ADAMTS19: variants seen among roughly 807,000 people sequenced by gnomAD.
The protein encoded by ADAMTS19 is A disintegrin and metalloproteinase with thrombospondin motifs 19.
ADAMTS19 carries 93 observed loss-of-function variants against 153.3 expected under a neutral mutation model. The observed-to-expected ratio is 0.61, with a 90% CI of 0.51 to 0.72. ADAMTS19 has a LOEUF of 0.72. Ranked by LOEUF, ADAMTS19 falls within the 30% of genes least tolerant of loss-of-function variation. The pLI is 0.00. For synonymous variants in ADAMTS19, 600 were observed against 556.6 expected (o/e 1.08, Z -1.10); for missense variants, 1,482 against 1,552.1 (o/e 0.95, Z 0.76).
At chr5:129,570,346 T>C (rs1753852664) in intron 7 of ADAMTS19, among the ~76,000 whole-genome samples, 1 of 151,888 alleles carries the variant, frequency 6.6e-6, no homozygotes, top group African/African-American at 2.4e-5. Flanking sequence ...GACCAGTTCA[T>C]TGAAATCCTC....
intron 6 of ADAMTS19, among the ~76,000 whole-genome samples, chr5:129,539,609 A>G (rs1752587359): frequency 1.3e-5 from 2 of 152,118 alleles, no homozygotes; most frequent in South Asian, 4.1e-4. Flanking sequence ...GGGAGCTGAC[A>G]TACTATATAT....
chr5:129,644,944 T>C (rs1162579050), intron 11 of ADAMTS19, among the ~76,000 whole-genome samples: 1 of 152,178 alleles, frequency 6.6e-6, no homozygotes, highest in Non-Finnish European at 1.5e-5. Flanking sequence ...TGTGCATATG[T>C]ACACAGCTTT....
chr5:129,495,711 AC>A (rs763232390), intron 2 of ADAMTS19, among the ~76,000 whole-genome samples: 37 of 152,006 alleles, frequency 2.4e-4, no homozygotes, highest in Non-Finnish European at 4.4e-4. Flanking sequence ...GAACCAACTT[AC>A]CCCTAATTTC....
At chr5:129,705,720 T>C (rs182428717) in intron 21 of ADAMTS19, among the ~76,000 whole-genome samples, 72 of 152,292 alleles carry the variant, frequency 4.7e-4, no homozygotes, top group African/African-American at 1.7e-3. Flanking sequence ...CTACAACTAA[T>C]TTATTTTATG....
At chr5:129,684,507 TTACATTAC>T (rs1561648034) in intron 18 of ADAMTS19, among the ~76,000 whole-genome samples, 1,541 of 151,954 alleles carry the variant, frequency 0.01, 33 homozygotes, top group East Asian at 0.058. Flanking sequence ...TTGCATTACA[TTACATTAC>T]ATTACATTAC....
chr5:129,548,868 C>T (rs939994658), intron 6 of ADAMTS19, among the ~76,000 whole-genome samples: 1 of 151,454 alleles, frequency 6.6e-6, no homozygotes, highest in Non-Finnish European at 1.5e-5. Flanking sequence ...GAGTTCATGT[C>T]CTTTATAGGG....
At chr5:129,504,646 C>T (rs1036635325) in intron 2 of ADAMTS19, among the ~76,000 whole-genome samples, 3 of 151,976 alleles carry the variant, frequency 2.0e-5, no homozygotes, top group Non-Finnish European at 4.4e-5. Flanking sequence ...ATCCTTTAAC[C>T]AACATCTTCC....
chr5:129,723,088 C>T (rs1216452457), intron 21 of ADAMTS19, among the ~76,000 whole-genome samples: 2 of 152,022 alleles, frequency 1.3e-5, no homozygotes, highest in African/African-American at 2.4e-5. Context: ...AATGCCAAAC[C>T]CTGTCTGCTC....
rs115940413 is a variant in ADAMTS19, at chr5:129,641,744, T to C, written c.1771-115T>C. On this transcript the variant is annotated intron_variant, in intron 10 of 22. Coordinates refer to ENST00000274487, the MANE Select transcript of ADAMTS19 (RefSeq NM_133638.6). ...TAATATTTTAATTACCTAAAGCATA[T>C]TTTTCTTCAAATAATTTTTGTTATT... is the stretch of plus-strand genomic sequence containing the variant. 2.7e-3 allele frequency: 1,417 copies of C among 531,104 alleles called. 3 individuals are homozygous for C. Among genetic ancestry groups the C allele is most frequent in the Middle Eastern group, 0.01 (37 of 3,528 alleles). The allele number at this position is 531,104 out of a possible 1,614,324, so 32.9% of individuals were successfully genotyped here. A position where few individuals can be genotyped will look rare whatever the true frequency, so the allele number is the denominator to read the frequency against.
At chr5:129,669,845 G>C (rs75664471) in intron 16 of ADAMTS19, among the ~76,000 whole-genome samples, 7,562 of 151,858 alleles carry the variant, frequency 0.05, 258 homozygotes, top group Middle Eastern at 0.099. Flanking sequence ...TTGGTTGTTA[G>C]TGTGTTGTTT....
At chr5:129,719,152 A>C (rs1392642917) in intron 21 of ADAMTS19, among the ~76,000 whole-genome samples, 2 of 152,298 alleles carry the variant, frequency 1.3e-5, no homozygotes, top group Middle Eastern at 3.4e-3. Context: ...AAATTTAAAT[A>C]AACACCTTAG....
chr5:129,471,551 A>G (rs1750069564), intron 2 of ADAMTS19, among the ~76,000 whole-genome samples: 1 of 152,126 alleles, frequency 6.6e-6, no homozygotes, highest in Non-Finnish European at 1.5e-5. Context: ...AATACAAGGT[A>G]CTTTTTTTTT....
Position 129,509,202 on chromosome 5 carries a change from G to A in ADAMTS19, c.873G>A (p.Glu291=), listed in dbSNP as rs1362928694. The change falls in exon 3 of 23, where the codon GAG becomes GAA. Residue 291 remains glutamate, a synonymous_variant. Transcript: ENST00000274487. ...GGTCCATGGAGGAAAAGGTCACAGA[G>A]AAGTCAGCTCTTCACAGTCATTACT... ...QKRSMEEKVT[E]KSALHSHYCG... The A allele has an allele frequency of 1.2e-6, 2 of 1,612,132 alleles. No individual in the cohort carries two copies. Among genetic ancestry groups the A allele is most frequent in the Non-Finnish European group, 1.7e-6 (2 of 1,178,644 alleles).
chr5:129,724,386 G>A (rs573344324), intron 21 of ADAMTS19, among the ~76,000 whole-genome samples: 29 of 152,126 alleles, frequency 1.9e-4, no homozygotes, highest in Middle Eastern at 3.2e-3. Flanking sequence ...TCCAAAGGGA[G>A]GAGGGTATAA....
intron 3 of ADAMTS19, among the ~76,000 whole-genome samples, 197 bp from the exon 4 acceptor site, chr5:129,526,087 G>A (rs1326285090): frequency 6.6e-6 from 1 of 151,974 alleles, no homozygotes; most frequent in African/African-American, 2.4e-5. Flanking sequence ...AGTGATGTTA[G>A]TTTGCTAAAA....
intron 10 of ADAMTS19, among the ~76,000 whole-genome samples, chr5:129,638,043 TA>T (rs1752610924): frequency 6.6e-6 from 1 of 152,062 alleles, no homozygotes; most frequent in Non-Finnish European, 1.5e-5. Flanking sequence ...GGTGATGAAA[TA>T]ATCTGTTCAG....
intron 7 of ADAMTS19, among the ~76,000 whole-genome samples, chr5:129,580,047 A>T (rs919326883): frequency 9.2e-5 from 14 of 152,050 alleles, no homozygotes; most frequent in African/African-American, 3.4e-4. Context: ...TTTTCACGAT[A>T]TTGATTCTTC....
intron 2 of ADAMTS19, among the ~76,000 whole-genome samples, chr5:129,467,348 G>A (rs534641804): frequency 6.6e-6 from 1 of 152,266 alleles, no homozygotes; most frequent in African/African-American, 2.4e-5. Flanking sequence ...GGTTCTAATT[G>A]AATTGGTTGA....
At chr5:129,523,203 A>G (rs1581035857) in intron 3 of ADAMTS19, among the ~76,000 whole-genome samples, 1 of 152,322 alleles carries the variant, frequency 6.6e-6, no homozygotes, top group South Asian at 2.1e-4. Context: ...GCTAAAACCC[A>G]GGTACCTGGT....
Sources: gnomAD v4.1 joint callset for allele counts (sites outside exome capture counted in the v4.1 genomes callset) on GRCh38, gnomAD v4.1.1 for gene constraint, MANE v1.5 for transcripts, NCBI Gene and HGNC (gene_info 2026-07-23, HGNC 2026-07-21) for gene names.